YEATS4: variants seen among roughly 807,000 people sequenced by gnomAD.
YEATS4 encodes the protein YEATS domain-containing protein 4.
Under a neutral mutation model 30.1 loss-of-function variants are expected in YEATS4, and 17 were observed. The observed-to-expected ratio is 0.56, with a 90% confidence interval of 0.39 to 0.85. The LOEUF (loss-of-function observed/expected upper bound fraction) is 0.85. YEATS4 is among the 40% of genes least tolerant of loss of function. The probability of loss-of-function intolerance (pLI) is 0.00; values close to 1 mark genes in which losing one functional copy is unlikely to be tolerated. For missense variants in YEATS4, 142 were observed against 268.3 expected, an observed-to-expected ratio of 0.53 and a Z score of 3.29; for synonymous variants, 85 against 87.5, an observed-to-expected ratio of 0.97 and a Z score of 0.16.
the YEATS4 span, among the ~76,000 whole-genome samples, chr12:69,408,555 ACTCCAGTTTGC>A: frequency 3.9e-5 from 6 of 152,116 alleles, no homozygotes; most frequent in Non-Finnish European, 5.9e-5. Context: ...TGAAAAGTTT[ACTCCAGTTTGC>A]CCTGGCACCA....
chr12:69,399,906 A>G, the YEATS4 span, among the ~76,000 whole-genome samples: 2 of 152,228 alleles, frequency 1.3e-5, no homozygotes, highest in African/African-American at 4.8e-5. Flanking sequence ...CTCCACTTAT[A>G]TGAAACATCC....
At chr12:69,425,677 G>T in the YEATS4 span, among the ~76,000 whole-genome samples, 1 of 152,190 alleles carries the variant, frequency 6.6e-6, no homozygotes, top group Non-Finnish European at 1.5e-5. Flanking sequence ...TTGCCTGAGA[G>T]TGCTAGAGAG....
chr12:69,369,812 G>T (rs1241179950), intron 4 of YEATS4, among the ~76,000 whole-genome samples: 1 of 152,182 alleles, frequency 6.6e-6, no homozygotes, highest in Admixed American at 6.5e-5. Flanking sequence ...ATCATCTTGA[G>T]CCTGGAAGAT....
chr12:69,409,836 T>C, the YEATS4 span, among the ~76,000 whole-genome samples: 1 of 152,164 alleles, frequency 6.6e-6, no homozygotes, highest in Non-Finnish European at 1.5e-5. Flanking sequence ...GGGTGGGCTT[T>C]AATCCAATAT....
rs548760140 is a variant in YEATS4, at chr12:69,377,457, C to T, written c.514+6482C>T. Among the ~76,000 whole-genome samples, 121 of 151,784 alleles carry T rather than the reference C, an allele frequency of 8.0e-4. 1 individual carries two copies. The highest frequency in any genetic ancestry group is 2.7e-3 in the African/African-American group (110 of 41,300). On this transcript the variant is annotated intron_variant, in intron 6 of 6. Coordinates refer to ENST00000247843, the MANE Select transcript of YEATS4 (RefSeq NM_006530.4). ...CTAACTTTTTTGGAGCTGGGGATCTCGCTGTGTTTACCAGGCTGGTCTTGA... is the reference window on the plus strand; with the variant it reads ...CTAACTTTTTTGGAGCTGGGGATCTTGCTGTGTTTACCAGGCTGGTCTTGA...
the YEATS4 span, among the ~76,000 whole-genome samples, chr12:69,405,506 G>C: frequency 6.6e-6 from 1 of 151,966 alleles, no homozygotes; most frequent in Non-Finnish European, 1.5e-5. Flanking sequence ...AAGCACTTAC[G>C]GCTTCTCTTT....
the YEATS4 span, among the ~76,000 whole-genome samples, chr12:69,405,821 T>G: frequency 1.3e-5 from 2 of 152,210 alleles, no homozygotes; most frequent in African/African-American, 4.8e-5. Flanking sequence ...TGGACTGCAG[T>G]TGACCACAGG....
At chr12:69,380,566 T>C (rs1444259919) in intron 6 of YEATS4, among the ~76,000 whole-genome samples, 1 of 152,134 alleles carries the variant, frequency 6.6e-6, no homozygotes, top group Non-Finnish European at 1.5e-5. Context: ...GCCAGCACAT[T>C]ACTGGGTCTT....
the YEATS4 span, among the ~76,000 whole-genome samples, chr12:69,416,845 G>T: frequency 1.3e-5 from 2 of 152,150 alleles, no homozygotes; most frequent in Non-Finnish European, 2.9e-5. Flanking sequence ...GGCCGAGGTG[G>T]GTGGATAAGG....
chr12:69,425,499 C>T, the YEATS4 span, among the ~76,000 whole-genome samples: 8 of 152,170 alleles, frequency 5.3e-5, no homozygotes, highest in African/African-American at 1.9e-4. Context: ...GAGTGACTAC[C>T]TCAGGCATGG....
At chr12:69,398,580 G>A in the YEATS4 span, among the ~76,000 whole-genome samples, 3 of 152,244 alleles carry the variant, frequency 2.0e-5, no homozygotes, top group Admixed American at 2.0e-4. Flanking sequence ...TTGGGAGACA[G>A]GGTGGGTGGA....
intron 6 of YEATS4, among the ~76,000 whole-genome samples, chr12:69,388,372 G>A (rs528978761): frequency 1.3e-5 from 2 of 152,352 alleles, no homozygotes; most frequent in Admixed American, 1.3e-4. Context: ...CAAAGAGATT[G>A]ATGGAGCCTT....
At chr12:69,415,761 C>T in the YEATS4 span, among the ~76,000 whole-genome samples, 1 of 152,050 alleles carries the variant, frequency 6.6e-6, no homozygotes, top group Non-Finnish European at 1.5e-5. Flanking sequence ...CCTGGCCAGT[C>T]GGGGATCCAT....
Position 69,390,302 on chromosome 12 carries a change from G to A in YEATS4, c.670G>A (p.Ala224Thr), listed in dbSNP as rs747470925. Residue 224 changes from alanine to threonine, a missense_variant, in exon 7 of 7, where the codon GCA becomes ACA. This residue lies in a region of YEATS4 where 53 missense variants were observed against 68.6 expected (regional missense o/e 0.77). Transcript: ENST00000247843. ...EIRKLEEDDQ[A>T]KDI is the part of the protein sequence containing the mutation. ...CAGAAAACTTGAAGAAGATGACCAA[G>A]CAAAAGACATATAAACAGTTCTCAT... The A allele has an allele frequency of 1.9e-5, 30 of 1,584,160 alleles. No individual in the cohort carries two copies. Among genetic ancestry groups the A allele is most frequent in the East Asian group, 6.8e-5 (3 of 44,380 alleles).
intron 6 of YEATS4, among the ~76,000 whole-genome samples, chr12:69,376,717 A>T (rs578024106): frequency 2.4e-4 from 37 of 152,314 alleles, no homozygotes; most frequent in African/African-American, 8.7e-4. Context: ...TACTGGCCTC[A>T]TAGAATGAGT....
chr12:69,374,299 TTC>T (rs775549308), intron 6 of YEATS4, among the ~76,000 whole-genome samples: 1 of 152,228 alleles, frequency 6.6e-6, no homozygotes, highest in Admixed American at 6.5e-5. Context: ...TCTCTTCCGT[TTC>T]TTTCATTACT....
downstream of YEATS4, among the ~76,000 whole-genome samples, chr12:69,394,291 T>TA (rs776676109): frequency 1.6e-4 from 24 of 151,878 alleles, no homozygotes; most frequent in Non-Finnish European, 3.4e-4. Flanking sequence ...AGACAAAAAA[T>TA]AAAAATAGCC....
In YEATS4 at chr12:69,359,897, G is replaced by T; in HGVS notation, c.-76G>T. 3 of 1,577,024 alleles carry T rather than the reference G, an allele frequency of 1.9e-6. No homozygotes were observed. Among genetic ancestry groups the T allele is most frequent in the East Asian group, 2.3e-5 (1 of 43,852 alleles). On this transcript the variant is annotated 5_prime_UTR_variant, in exon 1 of 7. Transcript: ENST00000247843. ...GCCTGGGCCCGCGCGACAGGAGCGC[G>T]GTCTCTGAGGGGAGCGGCGACCCCG...
At chr12:69,365,547 A>G (rs1466473396) in intron 2 of YEATS4, 86 bp from the exon 3 acceptor site, 9 of 889,258 alleles carry the variant, frequency 1.0e-5, no homozygotes, top group Non-Finnish European at 1.4e-5. Context: ...TATGTTTTTT[A>G]TAAAACTAAG....
Sources: gnomAD v4.1 joint callset for allele counts (sites outside exome capture counted in the v4.1 genomes callset) on GRCh38, gnomAD v4.1.1 for gene constraint, gnomAD v4.1.1 regional missense constraint, MANE v1.5 for transcripts, NCBI Gene and HGNC (gene_info 2026-07-23, HGNC 2026-07-21) for gene names.